Variants in DTNA observed in about 807,000 individuals in gnomAD.
DTNA encodes dystrophin-related protein 3.
A neutral mutation model predicts 100.7 loss-of-function variants in DTNA; 43 were observed. The ratio of observed to expected loss-of-function variants is 0.43; its 90% CI spans 0.33 to 0.55. The LOEUF is 0.55. Ranked by LOEUF, DTNA falls within the 20% of genes least tolerant of loss-of-function variation. DTNA has a pLI of 0.04. For missense variants in DTNA, 798 were observed against 953.9 expected (o/e 0.84, Z 2.15); for synonymous variants, 349 against 347.9 (o/e 1.00, Z -0.04).
At chr18:34,878,854 T>C (rs1450968143) in intron 19 of DTNA, among the ~76,000 whole-genome samples, 1 of 152,210 alleles carries the variant, frequency 6.6e-6, no homozygotes, top group Non-Finnish European at 1.5e-5. Context: ...CTGGCAAGAC[T>C]ATGGTCTTAC....
chr18:34,619,038 G>A (rs2055914287), intron 1 of DTNA, among the ~76,000 whole-genome samples: 2 of 152,316 alleles, frequency 1.3e-5, no homozygotes, highest in South Asian at 4.1e-4. Context: ...CTACAAGTGT[G>A]TCAGGCAGAT....
chr18:34,774,373 A>G (rs1256078420), intron 3 of DTNA, among the ~76,000 whole-genome samples: 5 of 152,252 alleles, frequency 3.3e-5, no homozygotes, highest in African/African-American at 1.2e-4. Flanking sequence ...GTAAGAAAAC[A>G]GAAGTCAGTC....
rs2096857052 is a variant in DTNA at position 34,880,019 on chromosome 18, C to T, written c.2162+300C>T. 1.3e-5 allele frequency among the ~76,000 whole-genome samples: 2 copies of T among 152,196 alleles called. 1 individual carries two copies. Among genetic ancestry groups the T allele is most frequent in the East Asian group, 3.9e-4 (2 of 5,172 alleles). On this transcript the variant is annotated intron_variant, in intron 20 of 22. Transcript: ENST00000444659. Reference sequence around the variant, plus strand: ...AATAGTATTAAAAAACTGCTGCCACCCTTTTAGGACTCACAGACTAGTTCA... The same window carrying T: ...AATAGTATTAAAAAACTGCTGCCACTCTTTTAGGACTCACAGACTAGTTCA...
intron 1 of DTNA, among the ~76,000 whole-genome samples, chr18:34,584,130 G>A (rs914527941): frequency 1.3e-5 from 2 of 152,176 alleles, no homozygotes; most frequent in South Asian, 4.1e-4. Flanking sequence ...TTCCTAGAGG[G>A]TCTGACTACC....
intron 1 of DTNA, among the ~76,000 whole-genome samples, chr18:34,621,372 T>C (rs2056470663): frequency 6.6e-6 from 1 of 151,996 alleles, no homozygotes; most frequent in Admixed American, 6.6e-5. Context: ...GCTGGTCCAC[T>C]CCCACGTTCA....
At chr18:34,742,811 C>G (rs914724113) in intron 1 of DTNA, among the ~76,000 whole-genome samples, 1 of 151,990 alleles carries the variant, frequency 6.6e-6, no homozygotes, top group Non-Finnish European at 1.5e-5. Context: ...AGCCTACTCA[C>G]AAAGAGGAAG....
chr18:34,678,302 T>C (rs2077641589), intron 1 of DTNA, among the ~76,000 whole-genome samples: 1 of 152,108 alleles, frequency 6.6e-6, no homozygotes, highest in Non-Finnish European at 1.5e-5. Context: ...GTACCTCAAA[T>C]CATAGGAAGC....
Position 34,832,152 on chromosome 18 carries a change from A to T in DTNA, c.1175+2663A>T, listed in dbSNP as rs527310274. Among the ~76,000 whole-genome samples the T allele has an allele frequency of 2.5e-3, 378 of 152,250 alleles. 2 individuals carry two copies. Among genetic ancestry groups the T allele is most frequent in the African/African-American group, 8.9e-3 (368 of 41,542 alleles). On this transcript the variant is annotated intron_variant, in intron 11 of 22. Transcript: ENST00000444659. ...AAAATCAAAGTTTTCTTCATAGCTA[A>T]TTTTTTCTAAGATTAATGCCCATCC...
intron 8 of DTNA, 137 bp downstream of exon 8, chr18:34,818,467 T>C (rs768422324): frequency 2.8e-5 from 43 of 1,535,492 alleles, no homozygotes; most frequent in African/African-American, 8.2e-5. Flanking sequence ...TCCCCCTTCC[T>C]CCCACTCTCC....
At chr18:34,495,759 T>C (rs188299283) in intron 1 of DTNA, among the ~76,000 whole-genome samples, 86 of 152,316 alleles carry the variant, frequency 5.6e-4, no homozygotes, top group African/African-American at 1.9e-3. Context: ...TTCTCATTAG[T>C]TCTAAGTTGA....
At chr18:34,687,340 G>A (rs150145824) in intron 1 of DTNA, among the ~76,000 whole-genome samples, 2,512 of 152,196 alleles carry the variant, frequency 0.017, 37 homozygotes, top group Non-Finnish European at 0.025. Context: ...GGTACATTCT[G>A]TCTTTCTTCT....
At chr18:34,814,650 C>A (rs924086307) in intron 6 of DTNA, among the ~76,000 whole-genome samples, 1 of 151,886 alleles carries the variant, frequency 6.6e-6, no homozygotes, top group Admixed American at 6.6e-5. Flanking sequence ...TATAATTGTG[C>A]CACTGCACTC....
chr18:34,819,837 G>A (rs1304866006), intron 8 of DTNA, among the ~76,000 whole-genome samples: 1 of 151,960 alleles, frequency 6.6e-6, no homozygotes, highest in African/African-American at 2.4e-5. Flanking sequence ...TTTAAAAAAT[G>A]AGGACAATAG....
intron 1 of DTNA, among the ~76,000 whole-genome samples, chr18:34,746,722 C>T (rs1307333130): frequency 1.3e-5 from 2 of 152,138 alleles, no homozygotes; most frequent in East Asian, 1.9e-4. Flanking sequence ...TAACTTTGAA[C>T]CTCACATGCA....
rs1233438061 is a variant in DTNA, at chr18:34,553,085, T to C, written c.-2+59571T>C. 3.3e-5 allele frequency among the ~76,000 whole-genome samples: 5 copies of C among 150,786 alleles called. No homozygotes were observed. The East Asian group carries it at 9.7e-4, about 29-fold the overall frequency. On this transcript the variant is annotated intron_variant, in intron 1 of 19. Coordinates refer to the DTNA transcript ENST00000283365. ...GATTGCCATTCTAACTGGTGTGAGA[T>C]GGTATCTCATTGTGGTTTTGATTTG... is the stretch of plus-strand genomic sequence containing the variant.
chr18:34,589,108 T>C (rs1046876868), intron 1 of DTNA, among the ~76,000 whole-genome samples: 2 of 151,986 alleles, frequency 1.3e-5, no homozygotes, highest in African/African-American at 4.8e-5. Context: ...CAGGCATATA[T>C]AACAGGTGTC....
intron 1 of DTNA, among the ~76,000 whole-genome samples, chr18:34,615,927 T>G (rs1268098181): frequency 6.6e-6 from 1 of 152,226 alleles, no homozygotes; most frequent in African/African-American, 2.4e-5. Context: ...CTCATTCTTT[T>G]TTATGACTGC....
At chr18:34,609,799 A>G (rs1373801697) in intron 1 of DTNA, among the ~76,000 whole-genome samples, 1 of 152,180 alleles carries the variant, frequency 6.6e-6, no homozygotes, top group East Asian at 1.9e-4. Context: ...ATGTTTAGTG[A>G]ATTAACATTA....
intron 1 of DTNA, among the ~76,000 whole-genome samples, chr18:34,548,955 T>C (rs992912838): frequency 2.6e-5 from 4 of 152,124 alleles, no homozygotes; most frequent in Non-Finnish European, 5.9e-5. Flanking sequence ...TCTAGAATGA[T>C]TGTGGCTAAT....
Sources: gnomAD v4.1 joint callset for allele counts (sites outside exome capture counted in the v4.1 genomes callset) on GRCh38, gnomAD v4.1.1 for gene constraint, MANE v1.5 for transcripts, NCBI Gene and HGNC (gene_info 2026-07-23, HGNC 2026-07-21) for gene names.